The following ACAN variants were observed in gnomAD, a reference collection of about 807,000 sequenced individuals.
ACAN encodes aggrecan core protein.
A neutral mutation model predicts 169.1 loss-of-function variants in ACAN; 47 were observed. The ratio of observed to expected loss-of-function variants is 0.28; its 90% CI spans 0.22 to 0.35. The LOEUF is 0.35. Ranked by LOEUF, ACAN falls within the 10% of genes least tolerant of loss-of-function variation. ACAN has a pLI of 1.00. For synonymous variants in ACAN, 1,115 were observed against 1,112.2 expected, an observed-to-expected ratio of 1.00 and a Z score of -0.05; for missense variants, 2,716 against 2,759.9, an observed-to-expected ratio of 0.98 and a Z score of 0.36.
intron 1 of ACAN, among the ~76,000 whole-genome samples, chr15:88,826,702 A>C (rs755983242): frequency 1.3e-5 from 2 of 152,132 alleles, no homozygotes; most frequent in Non-Finnish European, 2.9e-5. Flanking sequence ...TCGTGAACTA[A>C]TTAGTGATGC....
Position 88,849,708 on chromosome 15 carries a change from G to T in ACAN, c.2003G>T (p.Arg668Leu), listed in dbSNP as rs77572130. ...NQTGLPDPLS[R>L]HHAFCFRGIS... ...ACGGGCCTCCCAGACCCACTGTCCC[G>T]GCACCATGCCTTCTGCTTCCGAGGT... is the stretch of plus-strand genomic sequence containing the variant. Residue 668 changes from arginine to leucine, a missense_variant, in exon 10 of 19, where the codon CGG becomes CTG. Transcript: ENST00000560601. The surrounding 1 kb of genome is among the most constrained non-coding windows in gnomAD (Gnocchi z 5.1). The T allele has an allele frequency of 3.1e-6, 5 of 1,613,744 alleles. No individual in the cohort carries two copies. The East Asian group carries it at 1.1e-4, about 36-fold the overall frequency.
chr15:88,849,636 G>C lies in ACAN; in HGVS notation c.1931G>C (p.Gly644Ala). The C allele has an allele frequency of 6.2e-7, 1 of 1,613,092 alleles. No individual in the cohort carries two copies. Among genetic ancestry groups the C allele is most frequent in the Non-Finnish European group, 8.5e-7 (1 of 1,179,724 alleles). Residue 644 changes from glycine to alanine, a missense_variant, in exon 10 of 19, where the codon GGT (glycine) becomes GCT (alanine). Physicochemically the swap from Gly to Ala is moderately conservative, Grantham distance 60 (BLOSUM62 0). Coordinates refer to ENST00000560601, the MANE Select transcript of ACAN (RefSeq NM_001369268.1). The surrounding 1 kb of genome is among the most constrained non-coding windows in gnomAD (Gnocchi z 5.1). ...ATCGTCACCCCAAGGCCTGCCTGCG[G>C]TGGGGACAAGCCAGGCGTGAGAACG... Reference protein sequence around the residue: ...YPIVTPRPACGGDKPGVRTVY... With the variant: ...YPIVTPRPACAGDKPGVRTVY...
In ACAN at chr15:88,856,927, A is replaced by T. The variant is rs1224056384; in HGVS notation, c.4342A>T (p.Ile1448Phe). ...GACTACTGCCCCTGGAGTAGAGGAG[A>T]TCAGCGGGCTTCCTTCTGGAGAAGT... ...LETTAPGVEEISGLPSGEVLE... is the reference protein window; with the variant it reads ...LETTAPGVEEFSGLPSGEVLE... Residue 1448 changes from isoleucine (I) to phenylalanine (F), a missense_variant, in exon 12 of 19, where the codon ATC (isoleucine) becomes TTC (phenylalanine). This residue lies in a region of ACAN where 1,389 missense variants were observed against 1,363.7 expected (regional missense o/e 1.02). Transcript: ENST00000560601. 1.4e-5 allele frequency: 22 copies of T among 1,609,762 alleles called. No individual in the cohort carries two copies. The highest frequency in any genetic ancestry group is 1.9e-5 in the Non-Finnish European group (22 of 1,178,610).
intron 5 of ACAN, 60 bp downstream of exon 5, chr15:88,841,927 C>T (rs1478064397): frequency 1.2e-5 from 19 of 1,601,866 alleles, no homozygotes; most frequent in South Asian, 4.4e-5. Context: ...CCTTCCCCTC[C>T]CCATCTCCCC....
Position 88,857,463 on chromosome 15 carries a change from C to T in ACAN, c.4878C>T (p.Pro1626=), listed in dbSNP as rs754969277. Residue 1626 remains proline (P), a synonymous_variant, in exon 12 of 19, where the codon CCC becomes CCT. Transcript: ENST00000560601. The stretch of plus-strand genomic sequence containing the variant: ...AAGCTCCAGAAACAAGTGGTCTTCC[C>T]TCTGGATTTAGTGGTGAGTATTCTG... The part of the protein sequence containing the change: ...SGQAPETSGL[P]SGFSGEYSGV... The T allele has an allele frequency of 7.4e-6, 12 of 1,613,908 alleles. No homozygotes were observed. The highest frequency in any genetic ancestry group is 3.3e-4 in the Middle Eastern group (2 of 6,062).
rs1897320063 is a variant in ACAN at position 88,868,680 on chromosome 15, C to T, written c.7060+351C>T. ...CTATGGGGTGGGAGTAATTGGTTCT[C>T]ATTCCAGATGACAGCCACGGATCTT... is the stretch of plus-strand genomic sequence containing the variant. On this transcript the variant is annotated intron_variant, in intron 14 of 18. Coordinates refer to ENST00000560601, the MANE Select transcript of ACAN (RefSeq NM_001369268.1). This position sits in a 1 kb window ranked among gnomAD's most constrained non-coding sequence, Gnocchi z 5.2. Among the ~76,000 whole-genome samples the T allele has an allele frequency of 6.6e-6, 1 of 152,198 alleles. No individual in the cohort carries two copies. Among genetic ancestry groups the T allele is most frequent in the South Asian group, 2.1e-4 (1 of 4,830 alleles).
rs772396580 is a variant in ACAN, at chr15:88,845,459, C to T, written c.1052-46C>T. 82 of 1,551,552 alleles carry T rather than the reference C, an allele frequency of 5.3e-5. No homozygotes were observed. The East Asian group carries it at 8.6e-4, about 16-fold the overall frequency. ...AGCCCACTCCTCATCCCCCTCAAGC[C>T]GGTCCCAGGCTGAGAGGCTAAAGCT... is the stretch of plus-strand genomic sequence containing the variant. On this transcript the variant is annotated intron_variant, in intron 6 of 18. Coordinates refer to ENST00000560601, the MANE Select transcript of ACAN (RefSeq NM_001369268.1).
intron 1 of ACAN, among the ~76,000 whole-genome samples, chr15:88,821,711 T>A (rs1249411056): frequency 2.0e-5 from 3 of 152,086 alleles, no homozygotes; most frequent in Non-Finnish European, 4.4e-5. Flanking sequence ...GCCCATGGGA[T>A]GAAGAGGTCT....
At chr15:88,833,024 G>T (rs954272079) in intron 1 of ACAN, among the ~76,000 whole-genome samples, 1 of 152,188 alleles carries the variant, frequency 6.6e-6, no homozygotes, top group Non-Finnish European at 1.5e-5. Flanking sequence ...GTCCACCCAC[G>T]TCGAGGAGGG....
chr15:88,852,409 G>A (rs562824091), intron 11 of ACAN, among the ~76,000 whole-genome samples: 24 of 152,262 alleles, frequency 1.6e-4, no homozygotes, highest in Admixed American at 1.6e-3. Context: ...CTCTAATAGA[G>A]GAGAAAGAAT....
At chr15:88,813,256 T>C (rs11073812) in intron 1 of ACAN, among the ~76,000 whole-genome samples, 1 of 152,072 alleles carries the variant, frequency 6.6e-6, no homozygotes, top group South Asian at 2.1e-4. Context: ...TGATACCCCA[T>C]GGGGGCTAGA....
At position 88,858,260 on chromosome 15, in the gene ACAN, C is replaced by T. The variant is rs368491136; in HGVS notation, c.5675C>T (p.Pro1892Leu). ...TCCAGTGGGTTTACATCCCAGACTCCGGAATTCAGTGGCCTACCAAGTGGC... is the reference window on the plus strand; with the variant it reads ...TCCAGTGGGTTTACATCCCAGACTCTGGAATTCAGTGGCCTACCAAGTGGC... ...VDSSGFTSQT[P>L]EFSGLPSGIA... Residue 1892 changes from proline (P) to leucine (L), a missense_variant, in exon 12 of 19, where the codon CCG becomes CTG. Pro to Leu is a moderately conservative substitution (Grantham distance 98, BLOSUM62 -3). This residue lies in a region of ACAN where 1,389 missense variants were observed against 1,363.7 expected (regional missense o/e 1.02). Transcript: ENST00000560601. This position sits in a 1 kb window ranked among gnomAD's most constrained non-coding sequence, Gnocchi z 4.0. 31 of 1,613,802 alleles carry T rather than the reference C, an allele frequency of 1.9e-5. No homozygotes were observed. Among genetic ancestry groups the T allele is most frequent in the East Asian group, 6.7e-5 (3 of 44,898 alleles).
intron 1 of ACAN, among the ~76,000 whole-genome samples, chr15:88,811,627 T>C (rs1009084238): frequency 3.9e-4 from 60 of 152,144 alleles, no homozygotes; most frequent in African/African-American, 1.4e-3. Flanking sequence ...CCCAGGGGAT[T>C]CCTGCCTCTC....
chr15:88,815,655 TTAAAAAAAAAAAAA>T (rs1895923136), intron 1 of ACAN, among the ~76,000 whole-genome samples: 1 of 71,592 alleles, frequency 1.4e-5, no homozygotes, highest in South Asian at 6.4e-4. Context: ...TCTGCACTGA[TTAAAAAAAAAAAAA>T]AAAAAAAAAA....
rs1245147885 is a variant in ACAN, at chr15:88,838,780, C to G, written c.188C>G (p.Ala63Gly). The G allele has an allele frequency of 6.2e-7, 1 of 1,614,024 alleles. No individual in the cohort carries two copies. Among genetic ancestry groups the G allele is most frequent in the South Asian group, 1.1e-5 (1 of 91,084 alleles). Reference sequence around the variant, plus strand: ...GACCCCATGCACCCTGTGACCACCGCCCCTTCTACCGCCCCACTGGCCCCA... The same window carrying G: ...GACCCCATGCACCCTGTGACCACCGGCCCTTCTACCGCCCCACTGGCCCCA... ...FIDPMHPVTT[A>G]PSTAPLAPRI... Residue 63 changes from alanine (A) to glycine (G), a missense_variant, in exon 3 of 19, where the codon GCC (alanine) becomes GGC (glycine). Coordinates refer to ENST00000560601, the MANE Select transcript of ACAN (RefSeq NM_001369268.1). The surrounding 1 kb of genome is among the most constrained non-coding windows in gnomAD (Gnocchi z 5.1).
At chr15:88,860,211 C>T in intron 12 of ACAN, 115 bp from the exon 13 acceptor site, 2 of 682,180 alleles carry the variant, frequency 2.9e-6, no homozygotes, top group Non-Finnish European at 4.8e-6. Flanking sequence ...AAGTGCTGAC[C>T]CAAAGCCAGC....
In ACAN at chr15:88,807,491, A is replaced by T. The variant is rs1226210715; in HGVS notation, c.-8+3682A>T. 5.9e-5 allele frequency among the ~76,000 whole-genome samples: 9 copies of T among 152,078 alleles called. No homozygotes were observed. Among genetic ancestry groups the T allele is most frequent in the Admixed American group, 5.9e-4 (9 of 15,276 alleles). ...TGGGAGTGGCAGCTCCCCTTCCCCC[A>T]GATCCAACAGGACACAGCCATCCCT... On this transcript the variant is annotated intron_variant, in intron 1 of 18. Transcript: ENST00000560601. The surrounding 1 kb of genome is among the most constrained non-coding windows in gnomAD (Gnocchi z 4.0).
Position 88,858,302 on chromosome 15 carries a change from G to C in ACAN, c.5717G>C (p.Gly1906Ala). The stretch of plus-strand genomic sequence containing the variant: ...CCAAGTGGCATAGCTGAGGTCAGTG[G>C]AGAATCCTCCAGAGCTGAGATTGGG... ...GLPSGIAEVS[G>A]ESSRAEIGSS... The change falls in exon 12 of 19, where the codon GGA becomes GCA. Residue 1906 changes from glycine to alanine, a missense_variant. By Grantham distance (60) the Gly-to-Ala change is moderately conservative. Transcript: ENST00000560601. This position sits in a 1 kb window ranked among gnomAD's most constrained non-coding sequence, Gnocchi z 4.0. 6.2e-7 allele frequency: 1 copy of C among 1,613,978 alleles called. No homozygotes were observed. The highest frequency in any genetic ancestry group is 8.5e-7 in the Non-Finnish European group (1 of 1,179,904).
In ACAN at chr15:88,871,943, G is replaced by T; in HGVS notation, c.7220-60G>T. On this transcript the variant is annotated intron_variant, in intron 15 of 18. Transcript: ENST00000560601. This position sits in a 1 kb window ranked among gnomAD's most constrained non-coding sequence, Gnocchi z 7.8. Reference sequence around the variant, plus strand: ...ATCCCCTCTGCCTCCGTGAGCTCAAGTTTCTCAGACACCCTCAGGGTGTCC... The same window carrying T: ...ATCCCCTCTGCCTCCGTGAGCTCAATTTTCTCAGACACCCTCAGGGTGTCC... The T allele has an allele frequency of 4.1e-6, 6 of 1,478,382 alleles. No homozygotes were observed. In the South Asian group the frequency reaches 4.5e-5, roughly 11 times the overall value. The allele number at this position is 1,478,382 out of a possible 1,614,324, so 91.6% of individuals were successfully genotyped here.
Sources: gnomAD v4.1 joint callset for allele counts (sites outside exome capture counted in the v4.1 genomes callset) on GRCh38, gnomAD v4.1.1 for gene constraint, gnomAD v4.1.1 regional missense constraint, Gnocchi (gnomAD v3.1) non-coding constraint, MANE v1.5 for transcripts, NCBI Gene and HGNC (gene_info 2026-07-23, HGNC 2026-07-21) for gene names.